SLC10A1: variants seen among roughly 807,000 people sequenced by gnomAD.
SLC10A1 encodes the protein hepatic sodium/bile acid cotransporter.
In SLC10A1, 36 loss-of-function variants were observed where a neutral mutation model predicts 20.5. The observed-to-expected ratio is 1.75, with a 90% CI of 1.34 to 2.32. SLC10A1 has a LOEUF of 2.32. Ranked by LOEUF, SLC10A1 falls within the 30% of genes most tolerant of loss-of-function variation. The pLI is 0.00. For missense variants in SLC10A1, 545 were observed against 439.1 expected (o/e 1.24, Z -2.16); for synonymous variants, 188 against 163.6 (o/e 1.15, Z -1.14).
intron 3 of SLC10A1, among the ~76,000 whole-genome samples, 171 bp downstream of exon 3, chr14:69,779,011 A>G (rs2139710437): frequency 6.6e-6 from 1 of 152,208 alleles, no homozygotes; most frequent in Non-Finnish European, 1.5e-5. Flanking sequence ...GAAAAGTTAA[A>G]TCAGCTGGTC....
chr14:69,788,017 G>A (rs961259290), intron 1 of SLC10A1, among the ~76,000 whole-genome samples: 7 of 151,870 alleles, frequency 4.6e-5, no homozygotes, highest in African/African-American at 7.3e-5. Flanking sequence ...CTATGTTAGC[G>A]CCACTCCACT....
chr14:69,780,405 C>T (rs191938779), intron 2 of SLC10A1, among the ~76,000 whole-genome samples: 2 of 152,176 alleles, frequency 1.3e-5, no homozygotes, highest in South Asian at 2.1e-4. Context: ...TCAAACTTAC[C>T]ATGTTATTTT....
At chr14:69,776,804 G>A (rs142280289) in intron 4 of SLC10A1, among the ~76,000 whole-genome samples, 19 of 152,286 alleles carry the variant, frequency 1.2e-4, no homozygotes, top group South Asian at 4.1e-4. Context: ...CTTCTTGTCC[G>A]TGGTGTAGGC....
chr14:69,784,060 T>G (rs567030901), intron 2 of SLC10A1, among the ~76,000 whole-genome samples: 1 of 152,310 alleles, frequency 6.6e-6, no homozygotes, highest in South Asian at 2.1e-4. Flanking sequence ...CATCTGATGA[T>G]GCTGTTCTGG....
At chr14:69,780,988 C>T (rs1034184607) in intron 2 of SLC10A1, among the ~76,000 whole-genome samples, 1 of 152,188 alleles carries the variant, frequency 6.6e-6, no homozygotes, top group Non-Finnish European at 1.5e-5. Context: ...TTCTCTCACT[C>T]ATGTTCTCTG....
intron 1 of SLC10A1, among the ~76,000 whole-genome samples, chr14:69,792,334 A>G (rs1406655540): frequency 6.6e-6 from 1 of 152,206 alleles, no homozygotes; most frequent in Non-Finnish European, 1.5e-5. Context: ...CATATATAAA[A>G]CAATAACTTT....
Position 69,776,059 on chromosome 14 carries a change from A to T in SLC10A1, c.*223T>A. 1 of 549,830 alleles carries T rather than the reference A, an allele frequency of 1.8e-6. No homozygotes were observed. The highest frequency in any genetic ancestry group is 3.0e-5 in the East Asian group (1 of 32,902). 34.1% of individuals were successfully genotyped at this position (549,830 alleles called of 1,614,324 possible). A position where few individuals can be genotyped will look rare whatever the true frequency, so the allele number is the denominator to read the frequency against. ...TTCATAGAGTTTACAGTCACTGAACAAGTCTTTAAAATAAGTAGCAAATTC... is the reference window on the plus strand; with the variant it reads ...TTCATAGAGTTTACAGTCACTGAACTAGTCTTTAAAATAAGTAGCAAATTC... On this transcript the variant is annotated 3_prime_UTR_variant, in exon 5 of 5. Coordinates refer to ENST00000216540, the MANE Select transcript of SLC10A1 (RefSeq NM_003049.4).
intron 2 of SLC10A1, among the ~76,000 whole-genome samples, chr14:69,782,560 C>T (rs1240609220): frequency 2.6e-5 from 4 of 152,174 alleles, no homozygotes; most frequent in Admixed American, 6.5e-5. Context: ...GTAATCCCAG[C>T]ACTTCGGGAG....
intron 4 of SLC10A1, among the ~76,000 whole-genome samples, chr14:69,778,049 T>A (rs1054070188): frequency 6.6e-6 from 1 of 152,202 alleles, no homozygotes. Flanking sequence ...TGTCCTATGA[T>A]GTCTCCCCAC....
At chr14:69,784,029 C>T (rs1883657441) in intron 2 of SLC10A1, among the ~76,000 whole-genome samples, 1 of 152,046 alleles carries the variant, frequency 6.6e-6, no homozygotes, top group Non-Finnish European at 1.5e-5. Context: ...TAAATGGATT[C>T]TGGAGTGAGG....
chr14:69,792,071 C>T (rs898352157), intron 1 of SLC10A1, among the ~76,000 whole-genome samples: 10 of 151,846 alleles, frequency 6.6e-5, no homozygotes, highest in African/African-American at 2.4e-4. Flanking sequence ...CATGCCTCAG[C>T]CTCCTGAGTA....
At chr14:69,782,295 G>T (rs1883610280) in intron 2 of SLC10A1, among the ~76,000 whole-genome samples, 1 of 152,174 alleles carries the variant, frequency 6.6e-6, no homozygotes, top group Non-Finnish European at 1.5e-5. Context: ...TGTTTTTCCA[G>T]CCAAGGTATT....
At chr14:69,783,374 A>G (rs951314966) in intron 2 of SLC10A1, among the ~76,000 whole-genome samples, 14 of 152,274 alleles carry the variant, frequency 9.2e-5, no homozygotes, top group Middle Eastern at 3.4e-3. Context: ...GGTTAGCTGG[A>G]GTGTTGGGTG....
At chr14:69,785,371 G>C (rs1303005588) in intron 2 of SLC10A1, among the ~76,000 whole-genome samples, 1 of 152,098 alleles carries the variant, frequency 6.6e-6, no homozygotes, top group Admixed American at 6.5e-5. Context: ...GTCTCCTCTA[G>C]CTTCTTGCCA....
chr14:69,787,406 T>A (rs1365952890), intron 1 of SLC10A1, among the ~76,000 whole-genome samples: 1 of 152,196 alleles, frequency 6.6e-6, no homozygotes, highest in Non-Finnish European at 1.5e-5. Flanking sequence ...TGACTTTTAT[T>A]CCAGTGGGAA....
At chr14:69,776,486 C>T (rs1396353990) in intron 4 of SLC10A1, 98 bp from the exon 5 acceptor site, 37 of 892,718 alleles carry the variant, frequency 4.1e-5, no homozygotes, top group Non-Finnish European at 5.7e-5. Flanking sequence ...CCAACTCAGC[C>T]CTAGAGTGTG....
chr14:69,791,709 A>G (rs966506335), intron 1 of SLC10A1, among the ~76,000 whole-genome samples: 1 of 152,264 alleles, frequency 6.6e-6, no homozygotes, highest in Non-Finnish European at 1.5e-5. Context: ...ATAGACCCGT[A>G]GAAGAGAAGA....
intron 1 of SLC10A1, among the ~76,000 whole-genome samples, chr14:69,786,967 G>C (rs999860607): frequency 2.6e-5 from 4 of 152,166 alleles, no homozygotes; most frequent in Non-Finnish European, 5.9e-5. Flanking sequence ...CAGATACCAT[G>C]ATTAAAAGGA....
At chr14:69,791,812 T>G (rs1183206388) in intron 1 of SLC10A1, among the ~76,000 whole-genome samples, 1 of 152,226 alleles carries the variant, frequency 6.6e-6, no homozygotes, top group African/African-American at 2.4e-5. Context: ...ATCTTCTATT[T>G]GTATGGAAAA....
Sources: gnomAD v4.1 joint callset for allele counts (sites outside exome capture counted in the v4.1 genomes callset) on GRCh38, gnomAD v4.1.1 for gene constraint, MANE v1.5 for transcripts, NCBI Gene and HGNC (gene_info 2026-07-23, HGNC 2026-07-21) for gene names.